The following SLC24A2 variants were observed in gnomAD, a reference collection of about 807,000 sequenced individuals.
SLC24A2 encodes the protein solute carrier family 24 member 2.
SLC24A2 carries 36 observed loss-of-function variants against 62.0 expected under a neutral mutation model. That is an observed-to-expected ratio of 0.58 (90% CI 0.44 to 0.77). The LOEUF is 0.77. SLC24A2 is among the 30% of genes least tolerant of loss of function. The pLI, the probability that SLC24A2 is intolerant of heterozygous loss-of-function variation, is 0.00. For missense variants in SLC24A2, 846 were observed against 817.9 expected (o/e 1.03, Z -0.42); for synonymous variants, 358 against 294.0 (o/e 1.22, Z -2.23).
the SLC24A2 span, among the ~76,000 whole-genome samples, chr9:20,101,282 C>T: frequency 1.3e-5 from 2 of 152,240 alleles, no homozygotes; most frequent in Admixed American, 6.5e-5. Flanking sequence ...AGTGCCCCTG[C>T]ATCAACATTT....
At chr9:20,031,226 ACCCT>A in the SLC24A2 span, among the ~76,000 whole-genome samples, 1 of 149,282 alleles carries the variant, frequency 6.7e-6, no homozygotes, top group African/African-American at 2.5e-5. Flanking sequence ...ATACACACAC[ACCCT>A]GTGTGTGTGT....
the SLC24A2 span, among the ~76,000 whole-genome samples, chr9:20,002,749 C>G: frequency 6.6e-6 from 1 of 152,194 alleles, no homozygotes; most frequent in Non-Finnish European, 1.5e-5. Context: ...ATATATAGAA[C>G]AGCCAAACAC....
chr9:19,550,513 A>G (rs1265440013), intron 7 of SLC24A2, among the ~76,000 whole-genome samples: 3 of 152,128 alleles, frequency 2.0e-5, no homozygotes, highest in Non-Finnish European at 2.9e-5. Flanking sequence ...TCAGTTTCTC[A>G]TGTTCATCAA....
chr9:20,199,912 A>G, the SLC24A2 span, among the ~76,000 whole-genome samples: 15,791 of 99,626 alleles, frequency 0.16, 930 homozygotes, highest in Middle Eastern at 0.29. Flanking sequence ...TTGTATTTTT[A>G]TAGAGACAGG....
chr9:19,972,435 G>A, the SLC24A2 span, among the ~76,000 whole-genome samples: 1 of 152,124 alleles, frequency 6.6e-6, no homozygotes, highest in Non-Finnish European at 1.5e-5. Context: ...AGGCAGTTTT[G>A]TAAGCTTTTC....
chr9:19,564,901 T>A (rs1214002026), intron 7 of SLC24A2, among the ~76,000 whole-genome samples: 35 of 152,248 alleles, frequency 2.3e-4, no homozygotes, highest in Non-Finnish European at 7.4e-5. Context: ...GCAGTGTATG[T>A]GGGCCAAGTG....
At chr9:19,876,476 G>A in the SLC24A2 span, among the ~76,000 whole-genome samples, 1 of 151,526 alleles carries the variant, frequency 6.6e-6, no homozygotes, top group Non-Finnish European at 1.5e-5. Context: ...AAGACCCTCT[G>A]GCTGAATTCT....
At chr9:20,232,177 G>T in the SLC24A2 span, among the ~76,000 whole-genome samples, 1 of 152,170 alleles carries the variant, frequency 6.6e-6, no homozygotes, top group Non-Finnish European at 1.5e-5. Context: ...GTTCATCAAG[G>T]ATATTGGTCT....
At chr9:19,761,467 TTTTTATTTTA>T (rs144919709) in intron 2 of SLC24A2, among the ~76,000 whole-genome samples, 54 of 150,302 alleles carry the variant, frequency 3.6e-4, no homozygotes, top group East Asian at 1.2e-3. Flanking sequence ...TTTTTTAATT[TTTTTATTTTA>T]TTTTATTTTA....
chr9:20,016,874 G>T, the SLC24A2 span, among the ~76,000 whole-genome samples: 1 of 152,176 alleles, frequency 6.6e-6, no homozygotes, highest in African/African-American at 2.4e-5. Flanking sequence ...AGAGATAAAA[G>T]AGGGCTTCCA....
chr9:20,208,810 C>A, the SLC24A2 span, among the ~76,000 whole-genome samples: 2 of 152,220 alleles, frequency 1.3e-5, no homozygotes, highest in Non-Finnish European at 2.9e-5. Context: ...CTGGGACCTA[C>A]TCCTCCTTAA....
chr9:19,517,641 T>G (rs1032022251), intron 10 of SLC24A2, among the ~76,000 whole-genome samples: 1 of 152,174 alleles, frequency 6.6e-6, no homozygotes, highest in South Asian at 2.1e-4. Flanking sequence ...ACCGGCACTT[T>G]GCCCAGTAGA....
At chr9:19,572,990 T>C (rs990348151) in intron 7 of SLC24A2, among the ~76,000 whole-genome samples, 5 of 152,208 alleles carry the variant, frequency 3.3e-5, no homozygotes, top group African/African-American at 1.2e-4. Flanking sequence ...TCACCTTGGA[T>C]GCTAATTAAA....
chr9:19,873,637 C>T, the SLC24A2 span, among the ~76,000 whole-genome samples: 1 of 151,238 alleles, frequency 6.6e-6, no homozygotes, highest in South Asian at 2.1e-4. Flanking sequence ...TCTCTAGAGA[C>T]AGGGTCTCAT....
At chr9:20,007,063 C>G in the SLC24A2 span, among the ~76,000 whole-genome samples, 1 of 152,176 alleles carries the variant, frequency 6.6e-6, no homozygotes, top group Admixed American at 6.5e-5. Flanking sequence ...AATCCCAACT[C>G]TTAATTAGCT....
At chr9:19,697,588 A>C (rs1240230499) in intron 2 of SLC24A2, among the ~76,000 whole-genome samples, 1 of 152,334 alleles carries the variant, frequency 6.6e-6, no homozygotes, top group Admixed American at 6.5e-5. Flanking sequence ...GAGTTCTATA[A>C]GTAAATATTT....
At chr9:20,104,686 G>C in the SLC24A2 span, among the ~76,000 whole-genome samples, 2 of 151,636 alleles carry the variant, frequency 1.3e-5, no homozygotes, top group East Asian at 1.9e-4. Flanking sequence ...CCCTAAAAGA[G>C]CTCCTGAAGG....
chr9:20,071,876 G>A, the SLC24A2 span, among the ~76,000 whole-genome samples: 4 of 152,114 alleles, frequency 2.6e-5, no homozygotes, highest in South Asian at 2.1e-4. Context: ...TTGCTGGAGC[G>A]GCTCACAGAA....
chr9:19,811,917 G>A, the SLC24A2 span, among the ~76,000 whole-genome samples: 1 of 151,914 alleles, frequency 6.6e-6, no homozygotes, highest in African/African-American at 2.4e-5. Context: ...GTTTTCTTTC[G>A]GGCTGAAAAA....
Sources: gnomAD v4.1 joint callset for allele counts (sites outside exome capture counted in the v4.1 genomes callset) on GRCh38, gnomAD v4.1.1 for gene constraint, MANE v1.5 for transcripts, NCBI Gene and HGNC (gene_info 2026-07-23, HGNC 2026-07-21) for gene names.